VPS45: variants seen among roughly 807,000 people sequenced by gnomAD.
VPS45 encodes the protein vacuolar protein sorting 45 homolog.
Under a neutral mutation model 75.9 loss-of-function variants are expected in VPS45, and 35 were observed. The observed-to-expected ratio is 0.46, with a 90% CI of 0.35 to 0.61. The LOEUF is 0.61. Among genes scored for constraint, VPS45 ranks in the 20% least tolerant of loss-of-function variants. The pLI is 0.00. For missense variants in VPS45, 559 were observed against 685.9 expected (o/e 0.81, Z 2.07); for synonymous variants, 220 against 238.2 (o/e 0.92, Z 0.70).
intron 13 of VPS45, chr1:150,098,932 C>A: frequency 8.2e-7 from 1 of 1,215,296 alleles, no homozygotes; most frequent in Non-Finnish European, 1.0e-6. Flanking sequence ...ATTCCAGAAT[C>A]AGTCAATTCA....
chr1:150,103,911 T>G (rs1657178445), intron 13 of VPS45, among the ~76,000 whole-genome samples: 1 of 152,150 alleles, frequency 6.6e-6, no homozygotes, highest in Non-Finnish European at 1.5e-5. Context: ...AAAGGAAAGA[T>G]TCCCTCCCTT....
chr1:150,114,904 T>TGA (rs1553807949), intron 14 of VPS45, among the ~76,000 whole-genome samples: 2 of 143,448 alleles, frequency 1.4e-5, no homozygotes, highest in Admixed American at 7.1e-5. Flanking sequence ...GACCCTGTCT[T>TGA]AAAAAAAAAA....
chr1:150,082,921 C>A, intron 10 of VPS45, 38 bp downstream of exon 10: 1 of 1,586,896 alleles, frequency 6.3e-7, no homozygotes, highest in Non-Finnish European at 8.6e-7. Flanking sequence ...ATGTGTAAGG[C>A]ACTGTGCCAG....
chr1:150,112,600 T>C (rs1251597577), intron 14 of VPS45, among the ~76,000 whole-genome samples: 1 of 152,152 alleles, frequency 6.6e-6, no homozygotes, highest in Non-Finnish European at 1.5e-5. Context: ...TTTCCAATTC[T>C]CCAGACACCA....
At chr1:150,124,642 C>T (rs1006919314) in intron 14 of VPS45, among the ~76,000 whole-genome samples, 5 of 150,204 alleles carry the variant, frequency 3.3e-5, no homozygotes, top group South Asian at 2.1e-4. Context: ...CCCTACCTCC[C>T]GGATTTAAGT....
chr1:150,076,744 T>C lies in VPS45; in HGVS notation c.370-172T>C, dbSNP rs1204646675. Reference sequence around the variant, plus strand: ...TATTGCTACTGTTTTGTAATTATTTTAATTCTCCCACGTTGACTGTTGTTA... The same window carrying C: ...TATTGCTACTGTTTTGTAATTATTTCAATTCTCCCACGTTGACTGTTGTTA... On this transcript the variant is annotated intron_variant, in intron 4 of 14. Transcript: ENST00000644510. The C allele has an allele frequency of 4.6e-6, 3 of 646,370 alleles. No individual in the cohort carries two copies. The East Asian group carries it at 8.2e-5, about 18-fold the overall frequency. 40.0% of individuals were successfully genotyped at this position (646,370 alleles called of 1,614,324 possible).
chr1:150,119,722 A>T (rs1658132397), intron 14 of VPS45, among the ~76,000 whole-genome samples: 1 of 152,206 alleles, frequency 6.6e-6, no homozygotes, highest in African/African-American at 2.4e-5. Flanking sequence ...GTGATGTATT[A>T]ATACAGAAGC....
intron 7 of VPS45, among the ~76,000 whole-genome samples, chr1:150,078,618 C>A (rs1655525786): frequency 6.6e-6 from 1 of 151,436 alleles, no homozygotes; most frequent in Non-Finnish European, 1.5e-5. Flanking sequence ...AAAAATTAGC[C>A]GGGTGTGGTT....
At chr1:150,094,235 G>A (rs1379210985) in intron 13 of VPS45, among the ~76,000 whole-genome samples, 7 of 150,496 alleles carry the variant, frequency 4.7e-5, no homozygotes, top group African/African-American at 1.5e-4. Context: ...TTTAAATACT[G>A]TATACATAAA....
At chr1:150,101,354 A>C (rs1553804256) in intron 13 of VPS45, among the ~76,000 whole-genome samples, 2 of 152,178 alleles carry the variant, frequency 1.3e-5, no homozygotes, top group Non-Finnish European at 2.9e-5. Flanking sequence ...ATGAAAAAAA[A>C]CTCAGTATCA....
At chr1:150,138,805 C>T (rs1253340229) in intron 14 of VPS45, among the ~76,000 whole-genome samples, 11 of 152,104 alleles carry the variant, frequency 7.2e-5, no homozygotes, top group African/African-American at 4.8e-5. Flanking sequence ...TCATACTTAA[C>T]GTGATCAAAA....
intron 13 of VPS45, among the ~76,000 whole-genome samples, chr1:150,108,594 G>T (rs1235810187): frequency 6.6e-6 from 1 of 152,132 alleles, no homozygotes; most frequent in African/African-American, 2.4e-5. Flanking sequence ...ATACTGAAAA[G>T]TAGCAAGGGA....
chr1:150,095,288 A>G (rs1228588633), intron 13 of VPS45, among the ~76,000 whole-genome samples: 2 of 152,184 alleles, frequency 1.3e-5, no homozygotes, highest in African/African-American at 4.8e-5. Context: ...AACCTCTCTG[A>G]GAGGTGATAT....
chr1:150,127,187 TAAATA>T (rs1658562431), intron 14 of VPS45, among the ~76,000 whole-genome samples: 1 of 152,240 alleles, frequency 6.6e-6, no homozygotes, highest in South Asian at 2.1e-4. Flanking sequence ...ATATATGGGT[TAAATA>T]AAATACACTA....
chr1:150,101,249 C>T (rs1428567560), intron 13 of VPS45, among the ~76,000 whole-genome samples: 1 of 113,242 alleles, frequency 8.8e-6, no homozygotes, highest in Admixed American at 1.1e-4. Flanking sequence ...GCCTGGGCAA[C>T]AAGAGCAAAA....
At chr1:150,095,188 A>G (rs1656551639) in intron 13 of VPS45, among the ~76,000 whole-genome samples, 1 of 152,238 alleles carries the variant, frequency 6.6e-6, no homozygotes, top group Non-Finnish European at 1.5e-5. Flanking sequence ...TGAAGAATAT[A>G]ATTTTAATAA....
rs200563209 is a variant in VPS45 at position 150,067,854 on chromosome 1, C to T, written c.-4C>T. 440 of 1,613,814 alleles carry T rather than the reference C, an allele frequency of 2.7e-4. 1 individual carries two copies. The highest frequency in any genetic ancestry group is 2.9e-4 in the Non-Finnish European group (340 of 1,179,884). On this transcript the variant is annotated 5_prime_UTR_variant, in exon 1 of 15. Transcript: ENST00000644510. ...GGCTGTAGGGTACTTGTCAATTCGC[C>T]GCCATGAACGTGGTTTTTGCTGTGA...
chr1:150,081,232 A>C, intron 7 of VPS45, 110 bp from the exon 8 acceptor site: 1 of 1,065,138 alleles, frequency 9.4e-7, no homozygotes, highest in South Asian at 1.8e-5. Flanking sequence ...GAGAATCTTC[A>C]TGTAAAGAAG....
At chr1:150,120,810 G>T (rs1658191852) in intron 14 of VPS45, among the ~76,000 whole-genome samples, 1 of 150,348 alleles carries the variant, frequency 6.7e-6, no homozygotes, top group South Asian at 2.1e-4. Flanking sequence ...GCATGTATTT[G>T]CTGCTAAGAC....
Sources: allele counts gnomAD v4.1 joint callset (sites outside exome capture counted in the v4.1 genomes callset), GRCh38; gene constraint gnomAD v4.1.1; transcripts MANE v1.5; gene names NCBI Gene and HGNC (gene_info 2026-07-23, HGNC 2026-07-21).